BCAS3: variants seen among roughly 807,000 people sequenced by gnomAD.
BCAS3 encodes BCAS3 microtubule associated cell migration factor, also known as BCAS4/BCAS3 fusion.
BCAS3 carries 53 observed loss-of-function variants against 116.1 expected under a neutral mutation model. The ratio of observed to expected loss-of-function variants is 0.46; its 90% CI spans 0.37 to 0.57. The LOEUF is 0.57. Among genes scored for constraint, BCAS3 ranks in the 20% least tolerant of loss-of-function variants. BCAS3 has a pLI of 0.00. For synonymous variants in BCAS3, 391 were observed against 408.2 expected, an observed-to-expected ratio of 0.96 and a Z score of 0.51; for missense variants, 917 against 1,165.4, an observed-to-expected ratio of 0.79 and a Z score of 3.10.
chr17:61,337,074 T>A lies in BCAS3; in HGVS notation c.2426-31253T>A, dbSNP rs1296753495. Among the ~76,000 whole-genome samples the A allele has an allele frequency of 6.6e-6, 1 of 151,804 alleles. No individual in the cohort carries two copies. The highest frequency in any genetic ancestry group is 1.5e-5 in the Non-Finnish European group (1 of 67,972). ...GTTGCAGTGAGCCAAGATTGCCTCATTGCACTCCAGCCTGGGTGACAGAGC... is the reference window on the plus strand; with the variant it reads ...GTTGCAGTGAGCCAAGATTGCCTCAATGCACTCCAGCCTGGGTGACAGAGC... On this transcript the variant is annotated intron_variant, in intron 22 of 23. Transcript: ENST00000407086. The surrounding 1 kb of genome is among the most constrained non-coding windows in gnomAD (Gnocchi z 4.8).
At chr17:61,015,290 T>TTTTG (rs1315067946) in intron 15 of BCAS3, among the ~76,000 whole-genome samples, 1 of 152,164 alleles carries the variant, frequency 6.6e-6, no homozygotes, top group Non-Finnish European at 1.5e-5. Context: ...AATACTTCTT[T>TTTTG]TTTGTTTGTT....
In BCAS3 at chr17:61,118,268, G is replaced by C. The variant is rs574386854; in HGVS notation, c.2425+33704G>C. Among the ~76,000 whole-genome samples, 33 of 152,326 alleles carry C rather than the reference G, an allele frequency of 2.2e-4. No individual in the cohort carries two copies. Among genetic ancestry groups the C allele is most frequent in the Middle Eastern group, 6.8e-3 (2 of 294 alleles). On this transcript the variant is annotated intron_variant, in intron 22 of 23. Coordinates refer to ENST00000407086, the MANE Select transcript of BCAS3 (RefSeq NM_017679.5). This position sits in a 1 kb window ranked among gnomAD's most constrained non-coding sequence, Gnocchi z 5.0. ...CACCCAATCAGGTTACTACTTGGGA[G>C]AGATGGAAGTCCCGGCTCCCAACGT...
chr17:60,967,263 C>A lies in BCAS3; in HGVS notation c.1221+19911C>A, dbSNP rs1198464925. On this transcript the variant is annotated intron_variant, in intron 14 of 23. Transcript: ENST00000407086. This position sits in a 1 kb window ranked among gnomAD's most constrained non-coding sequence, Gnocchi z 4.7. ...TGGCAAATTATTTGTTTTTGTTTGT[C>A]TCAGAAATACTTTATTTCCCCTTCA... Among the ~76,000 whole-genome samples, 1 of 152,094 alleles carries A rather than the reference C, an allele frequency of 6.6e-6. No individual in the cohort carries two copies. Among genetic ancestry groups the A allele is most frequent in the African/African-American group, 2.4e-5 (1 of 41,404 alleles).
chr17:60,710,805 CTT>C (rs547993917), intron 5 of BCAS3, among the ~76,000 whole-genome samples: 60 of 134,842 alleles, frequency 4.4e-4, no homozygotes, highest in Non-Finnish European at 4.5e-4. Context: ...CCATTCTGTT[CTT>C]TTTTTTTTTT....
chr17:61,323,827 C>T lies in BCAS3; in HGVS notation c.2426-44500C>T, dbSNP rs115429101. ...TAAGTGATCCAGCAGAAGCAGGCAG[C>T]CCTGGCTTATCCATGGCCCCCTGGC... On this transcript the variant is annotated intron_variant, in intron 22 of 23. Transcript: ENST00000407086. The surrounding 1 kb of genome is among the most constrained non-coding windows in gnomAD (Gnocchi z 4.6). Among the ~76,000 whole-genome samples, 735 of 152,344 alleles carry T rather than the reference C, an allele frequency of 4.8e-3. 5 individuals are homozygous for T. The highest frequency in any genetic ancestry group is 0.017 in the African/African-American group (705 of 41,582).
intron 22 of BCAS3, among the ~76,000 whole-genome samples, chr17:61,194,944 T>C (rs1362860078): frequency 6.6e-6 from 1 of 152,112 alleles, no homozygotes; most frequent in African/African-American, 2.4e-5. Context: ...CATATGGCAG[T>C]CTCCATCCAC....
rs76246994 is a variant in BCAS3 at position 61,320,675 on chromosome 17, CA to C, written c.2426-47637del. Among the ~76,000 whole-genome samples, 954 of 96,948 alleles carry C rather than the reference CA, an allele frequency of 9.8e-3. 4 individuals are homozygous for C. The highest frequency in any genetic ancestry group is 0.024 in the African/African-American group (660 of 27,810). 63.6% of individuals were successfully genotyped at this position (96,948 alleles called of 152,430 possible). On this transcript the variant is annotated intron_variant, in intron 22 of 23. Coordinates refer to ENST00000407086, the MANE Select transcript of BCAS3 (RefSeq NM_017679.5). ...TGGGCGACAGAGCGAGACTCTGTCT[CA>C]AAAAAAAAAAAAAAGAATACATTCA...
chr17:61,310,131 C>T (rs548974878), intron 22 of BCAS3, among the ~76,000 whole-genome samples: 3 of 152,244 alleles, frequency 2.0e-5, no homozygotes, highest in Non-Finnish European at 4.4e-5. Flanking sequence ...GAATCAAAGG[C>T]GATCCCTTCT....
chr17:61,271,210 C>G (rs2050217849), intron 22 of BCAS3, among the ~76,000 whole-genome samples: 1 of 148,146 alleles, frequency 6.8e-6, no homozygotes, highest in South Asian at 2.2e-4. Context: ...TCACTGCAAC[C>G]TCTGCCTCCT....
chr17:60,743,676 GA>G (rs2041793661), intron 5 of BCAS3, among the ~76,000 whole-genome samples: 1 of 152,098 alleles, frequency 6.6e-6, no homozygotes, highest in Admixed American at 6.5e-5. Flanking sequence ...ATTGGTCTAT[GA>G]AAAGTCATCA....
intron 22 of BCAS3, among the ~76,000 whole-genome samples, chr17:61,176,372 A>C (rs1372448337): frequency 8.7e-5 from 1 of 11,470 alleles, no homozygotes; most frequent in African/African-American, 1.6e-4. Flanking sequence ...TTTTCTTCCT[A>C]TATTTTTGTT....
At chr17:60,807,378 C>T (rs564837333) in intron 6 of BCAS3, among the ~76,000 whole-genome samples, 30 of 152,080 alleles carry the variant, frequency 2.0e-4, no homozygotes, top group African/African-American at 7.2e-4. Context: ...GTTTCGACAT[C>T]AATATTATTA....
At chr17:61,375,148 G>A (rs1267721124) in intron 23 of BCAS3, among the ~76,000 whole-genome samples, 6 of 151,626 alleles carry the variant, frequency 4.0e-5, no homozygotes, top group Non-Finnish European at 7.4e-5. Flanking sequence ...ATCACGGGAT[G>A]GTTTCAGCAA....
chr17:61,015,724 T>A (rs769407773), intron 15 of BCAS3, 27 bp from the exon 16 acceptor site: 3 of 1,612,240 alleles, frequency 1.9e-6, no homozygotes, highest in Non-Finnish European at 2.5e-6. Flanking sequence ...TCCTCAGTGA[T>A]GCTTTTCTTT....
chr17:61,313,237 A>G lies in BCAS3; in HGVS notation c.2426-55090A>G, dbSNP rs1276865877. 6.6e-6 allele frequency among the ~76,000 whole-genome samples: 1 copy of G among 152,248 alleles called. No homozygotes were observed. The highest frequency in any genetic ancestry group is 1.5e-5 in the Non-Finnish European group (1 of 68,046). On this transcript the variant is annotated intron_variant, in intron 22 of 23. Coordinates refer to ENST00000407086, the MANE Select transcript of BCAS3 (RefSeq NM_017679.5). This position sits in a 1 kb window ranked among gnomAD's most constrained non-coding sequence, Gnocchi z 4.3. ...GAGGAAACTAAGGTTCAAAGAACCA[A>G]TACTTTCTCAATGCCATATAACTGG...
rs2060142881 is a variant in BCAS3 at position 61,391,755 on chromosome 17, T to C, written c.2594-222T>C. On this transcript the variant is annotated intron_variant, in intron 23 of 23. Transcript: ENST00000407086. This position sits in a 1 kb window ranked among gnomAD's most constrained non-coding sequence, Gnocchi z 7.7. ...TTCCCGCAGCAGGGAGACGGTGCTC[T>C]CACACCAGAGTCTGCCAGCCAGGGG... The C allele has an allele frequency of 3.5e-6, 2 of 577,754 alleles. No homozygotes were observed. The highest frequency in any genetic ancestry group is 6.1e-6 in the Non-Finnish European group (2 of 325,276). The allele number at this position is 577,754 out of a possible 1,614,324, so 35.8% of individuals were successfully genotyped here.
intron 23 of BCAS3, among the ~76,000 whole-genome samples, chr17:61,369,417 C>G (rs1368848721): frequency 1.3e-5 from 2 of 152,184 alleles, no homozygotes; most frequent in Non-Finnish European, 2.9e-5. Flanking sequence ...TGCAAAGAAC[C>G]CCAGTAAGGA....
chr17:60,872,962 A>T (rs748084974), intron 8 of BCAS3, among the ~76,000 whole-genome samples: 1 of 152,110 alleles, frequency 6.6e-6, no homozygotes, highest in Non-Finnish European at 1.5e-5. Context: ...GTAGAGGAAT[A>T]GTACAGACAT....
At chr17:60,713,748 C>G (rs187435111) in intron 5 of BCAS3, among the ~76,000 whole-genome samples, 121 of 152,290 alleles carry the variant, frequency 7.9e-4, no homozygotes, top group Non-Finnish European at 1.5e-3. Flanking sequence ...AGGACTTGAG[C>G]ATGATGGACT....
Sources: allele counts gnomAD v4.1 joint callset (sites outside exome capture counted in the v4.1 genomes callset), GRCh38; gene constraint gnomAD v4.1.1; non-coding constraint Gnocchi (gnomAD v3.1); transcripts MANE v1.5; gene names NCBI Gene and HGNC (gene_info 2026-07-23, HGNC 2026-07-21).